Variants in PTHLH observed in about 807,000 individuals in gnomAD.
PTHLH encodes the protein parathyroid hormone-related protein.
In PTHLH, 5 loss-of-function variants were observed where a neutral mutation model predicts 18.6. The observed-to-expected ratio is 0.27, with a 90% CI of 0.14 to 0.56. PTHLH has a LOEUF of 0.56. Ranked by LOEUF, PTHLH falls within the 20% of genes least tolerant of loss-of-function variation. The probability of loss-of-function intolerance (pLI) is 0.92; values close to 1 mark genes in which losing one functional copy is unlikely to be tolerated. For synonymous variants in PTHLH, 90 were observed against 94.0 expected (o/e 0.96, Z 0.25); for missense variants, 207 against 223.9 (o/e 0.92, Z 0.48).
chr12:27,970,708 G>T (rs567805096), intron 2 of PTHLH, among the ~76,000 whole-genome samples: 1 of 152,248 alleles, frequency 6.6e-6, no homozygotes, highest in South Asian at 2.1e-4. Flanking sequence ...AAGACCACCA[G>T]GGGCGGACCG....
chr12:27,970,132 G>A lies in PTHLH; in HGVS notation c.-130C>T. The A allele has an allele frequency of 1.9e-6, 1 of 518,688 alleles. No individual in the cohort carries two copies. The highest frequency in any genetic ancestry group is 1.4e-5 in the South Asian group (1 of 71,608). 32.1% of individuals were successfully genotyped at this position (518,688 alleles called of 1,614,324 possible). On this transcript the variant is annotated 5_prime_UTR_variant, in exon 3 of 6. Coordinates refer to ENST00000545234, the MANE Select transcript of PTHLH (RefSeq NM_198965.2). Reference sequence around the variant, plus strand: ...GGAGGGCCAGGTGGCGGCGAGGGCGGGTCGTTAGTGGCAGCCGGAGCGGCA... The same window carrying A: ...GGAGGGCCAGGTGGCGGCGAGGGCGAGTCGTTAGTGGCAGCCGGAGCGGCA...
intron 2 of PTHLH, among the ~76,000 whole-genome samples, chr12:27,971,658 T>C (rs2062872630): frequency 6.6e-6 from 1 of 151,734 alleles, no homozygotes; most frequent in Non-Finnish European, 1.5e-5. Flanking sequence ...CAGTTAAAGT[T>C]TACTGCTTAG....
intron 4 of PTHLH, among the ~76,000 whole-genome samples, chr12:27,966,364 T>C (rs1161301646): frequency 6.6e-6 from 1 of 152,258 alleles, no homozygotes; most frequent in Non-Finnish European, 1.5e-5. Context: ...TCTTAAATGC[T>C]AAATTGGAAA....
At chr12:27,960,026 G>A (rs2062740729) in intron 5 of PTHLH, among the ~76,000 whole-genome samples, 2 of 152,182 alleles carry the variant, frequency 1.3e-5, no homozygotes, top group African/African-American at 4.8e-5. Flanking sequence ...TAAGTTAAAG[G>A]ACCAAGGAGA....
intron 4 of PTHLH, chr12:27,969,155 C>G: frequency 1.8e-6 from 1 of 559,144 alleles, no homozygotes; most frequent in Non-Finnish European, 3.2e-6. Flanking sequence ...GAAACGCTCC[C>G]TCTTATGGAA....
At chr12:27,963,172 G>T in intron 5 of PTHLH, 176 bp downstream of exon 5, 1 of 1,494,802 alleles carries the variant, frequency 6.7e-7, no homozygotes, top group South Asian at 1.3e-5. Context: ...GTGTGGTAGG[G>T]GGGTACTGCT....
chr12:27,969,998 CAT>C (rs1421700735), intron 3 of PTHLH, 25 bp downstream of exon 3: 2 of 518,962 alleles, frequency 3.9e-6, no homozygotes, highest in Non-Finnish European at 7.7e-6. Flanking sequence ...GCGAAACCCA[CAT>C]ATATATACAT....
chr12:27,968,970 C>G (rs2062841621), intron 4 of PTHLH: 1 of 163,662 alleles, frequency 6.1e-6, no homozygotes, highest in Non-Finnish European at 1.3e-5. Flanking sequence ...CTTTTTCACA[C>G]GCAAACCGCC....
At chr12:27,960,106 G>A (rs1246162238) in intron 5 of PTHLH, among the ~76,000 whole-genome samples, 2 of 152,202 alleles carry the variant, frequency 1.3e-5, no homozygotes, top group African/African-American at 4.8e-5. Flanking sequence ...TCCTTTAACA[G>A]AGGCATGTAT....
intron 5 of PTHLH, 72 bp downstream of exon 5, chr12:27,963,276 A>G: frequency 6.2e-7 from 1 of 1,612,396 alleles, no homozygotes; most frequent in South Asian, 1.1e-5. Context: ...TGTCCAAGCC[A>G]AGGCAGAAGG....
At chr12:27,966,353 T>A (rs1198895648) in intron 4 of PTHLH, among the ~76,000 whole-genome samples, 1 of 152,234 alleles carries the variant, frequency 6.6e-6, no homozygotes, top group Non-Finnish European at 1.5e-5. Context: ...AACACAAGTT[T>A]TCTTAAATGC....
rs71450770 is a variant in PTHLH at position 27,972,023 on chromosome 12, TAAAAAAAAAAAA to T, written c.-358-16_-358-5del. 6.0e-4 allele frequency: 33 copies of T among 55,364 alleles called. No homozygotes were observed. The highest frequency in any genetic ancestry group is 2.0e-3 in the African/African-American group (32 of 15,984). 3.4% of individuals were successfully genotyped at this position (55,364 alleles called of 1,614,324 possible). The stretch of plus-strand genomic sequence containing the variant: ...CGTTAGATCTGAAGGGGGAAATCTG[TAAAAAAAAAAAA>T]AAAAAAAAAAAAAAAGTCAATCACA... On this transcript the variant is annotated splice_region_variant and splice_polypyrimidine_tract_variant and intron_variant, in intron 1 of 5. Transcript: ENST00000545234.
chr12:27,968,240 C>T (rs913319930), intron 4 of PTHLH, among the ~76,000 whole-genome samples: 7 of 152,080 alleles, frequency 4.6e-5, no homozygotes, highest in Admixed American at 2.6e-4. Flanking sequence ...GCCAAGGTTC[C>T]GACATGTCTA....
At chr12:27,961,473 CATATATGTTTATAT>C (rs920422558) in intron 5 of PTHLH, among the ~76,000 whole-genome samples, 18 of 140,766 alleles carry the variant, frequency 1.3e-4, no homozygotes, top group African/African-American at 3.0e-4. Flanking sequence ...TTACTATATA[CATATATGTTTATAT>C]ATATATGTTT....
intron 4 of PTHLH, among the ~76,000 whole-genome samples, chr12:27,964,471 C>CAGAG (rs10551155): frequency 0.018 from 2,711 of 148,824 alleles, 75 homozygotes; most frequent in African/African-American, 0.061. Context: ...GGCCAATCGT[C>CAGAG]AGAGAGAGAG....
intron 5 of PTHLH, chr12:27,961,834 AG>A: frequency 1.7e-6 from 1 of 592,090 alleles, no homozygotes; most frequent in Non-Finnish European, 3.0e-6. Flanking sequence ...AATAGGTTCA[AG>A]GTCCCCTTTG....
chr12:27,969,199 G>C, intron 4 of PTHLH, 195 bp downstream of exon 4: 1 of 598,602 alleles, frequency 1.7e-6, no homozygotes, highest in Non-Finnish European at 3.0e-6. Context: ...CCTGTCTCCC[G>C]TTGAAGATCA....
At chr12:27,961,914 TTAAA>T in intron 5 of PTHLH, 1 of 719,596 alleles carries the variant, frequency 1.4e-6, no homozygotes. Flanking sequence ...CAGGGGACTC[TTAAA>T]TAATGAGATC....
intron 4 of PTHLH, among the ~76,000 whole-genome samples, chr12:27,966,689 G>A (rs2062816867): frequency 6.6e-6 from 1 of 152,066 alleles, no homozygotes; most frequent in Non-Finnish European, 1.5e-5. Context: ...GGTAGGTTAT[G>A]TATCATGTTC....
Sources: gnomAD v4.1 joint callset for allele counts (sites outside exome capture counted in the v4.1 genomes callset) on GRCh38, gnomAD v4.1.1 for gene constraint, MANE v1.5 for transcripts, NCBI Gene and HGNC (gene_info 2026-07-23, HGNC 2026-07-21) for gene names.